The following ADGRL3 variants were observed in gnomAD, a reference collection of about 807,000 sequenced individuals.
The protein encoded by ADGRL3 is calcium-independent alpha-latrotoxin receptor 3.
ADGRL3 carries 62 observed loss-of-function variants against 153.5 expected under a neutral mutation model. The ratio of observed to expected loss-of-function variants is 0.40; its 90% CI spans 0.33 to 0.50. The LOEUF (loss-of-function observed/expected upper bound fraction) is 0.50, where lower values mean the gene tolerates loss of function less well. ADGRL3 is among the 20% of genes least tolerant of loss of function. ADGRL3 has a pLI of 0.47. For synonymous variants in ADGRL3, 710 were observed against 672.5 expected (o/e 1.06, Z -0.86); for missense variants, 1,641 against 1,859.4 (o/e 0.88, Z 2.16).
chr4:62,068,154 G>T lies in ADGRL3; in HGVS notation c.3815-12G>T. 6.5e-7 allele frequency: 1 copy of T among 1,547,690 alleles called. No individual in the cohort carries two copies. The highest frequency in any genetic ancestry group is 8.7e-7 in the Non-Finnish European group (1 of 1,153,448). On this transcript the variant is annotated splice_polypyrimidine_tract_variant and intron_variant, in intron 25 of 26. Coordinates refer to ENST00000683033, the MANE Select transcript of ADGRL3 (RefSeq NM_001387552.1). ...TTGTTTTTTCTTTCCTTTTCTTCAT[G>T]CTGTCGTTTAGAGCCCTACAGAGAG...
intron 1 of ADGRL3, among the ~76,000 whole-genome samples, chr4:61,224,077 T>C (rs1746832515): frequency 2.0e-5 from 3 of 152,110 alleles, no homozygotes; most frequent in Non-Finnish European, 4.4e-5. Flanking sequence ...TCAAAAATAA[T>C]ACTTAAATTT....
Position 62,037,790 on chromosome 4 carries a change from G to A in ADGRL3, c.3651G>A (p.Glu1217=). The A allele has an allele frequency of 3.1e-6, 5 of 1,613,764 alleles. No individual in the cohort carries two copies. The highest frequency in any genetic ancestry group is 2.2e-5 in the East Asian group (1 of 44,822). ...ATTGCTGTAGTGGCAAAAGTACAGA[G>A]AGTTCCATTGGTTCAGGGAAAACAT... The part of the protein sequence containing the change: ...RTHCCSGKST[E]SSIGSGKTSG... The change falls in exon 24 of 27, where the codon GAG becomes GAA. Residue 1217 remains glutamate (E), a synonymous_variant. Transcript: ENST00000683033.
chr4:61,396,941 A>G (rs1480352602), intron 2 of ADGRL3, among the ~76,000 whole-genome samples: 1 of 86,248 alleles, frequency 1.2e-5, no homozygotes, highest in Non-Finnish European at 2.5e-5. Flanking sequence ...TTAGCCTAGT[A>G]AGGAATATAT....
At chr4:61,261,992 C>T (rs893347811) in intron 1 of ADGRL3, among the ~76,000 whole-genome samples, 3 of 103,876 alleles carry the variant, frequency 2.9e-5, no homozygotes, top group Admixed American at 1.9e-4. Flanking sequence ...TTGGGAACGA[C>T]GAGATTGAAA....
chr4:61,380,249 T>C (rs1043527482), intron 1 of ADGRL3, among the ~76,000 whole-genome samples: 1 of 151,936 alleles, frequency 6.6e-6, no homozygotes, highest in Non-Finnish European at 1.5e-5. Context: ...TTTCTTTCAC[T>C]TACTGCTCCA....
intron 21 of ADGRL3, among the ~76,000 whole-genome samples, chr4:62,025,877 A>C (rs1432695613): frequency 1.3e-5 from 2 of 152,176 alleles, no homozygotes; most frequent in East Asian, 3.9e-4. Flanking sequence ...AGTAAAACAT[A>C]ATAAAAATTA....
chr4:62,034,022 G>T (rs910127355), intron 23 of ADGRL3, among the ~76,000 whole-genome samples: 3 of 151,666 alleles, frequency 2.0e-5, no homozygotes, highest in Non-Finnish European at 4.4e-5. Flanking sequence ...ACTGGAATAA[G>T]TAAGAATTGC....
chr4:61,967,577 G>C (rs1730604019), intron 17 of ADGRL3, among the ~76,000 whole-genome samples: 2 of 152,110 alleles, frequency 1.3e-5, no homozygotes, highest in Non-Finnish European at 2.9e-5. Context: ...AGACTTGTAG[G>C]AATTCCCAGC....
intron 24 of ADGRL3, among the ~76,000 whole-genome samples, chr4:62,040,653 G>A (rs902558124): frequency 2.6e-5 from 4 of 152,036 alleles, no homozygotes; most frequent in African/African-American, 9.7e-5. Flanking sequence ...AATCTCTGGG[G>A]ATAAAATGGT....
At chr4:62,032,063 A>G (rs140707525) in intron 23 of ADGRL3, among the ~76,000 whole-genome samples, 4 of 151,464 alleles carry the variant, frequency 2.6e-5, no homozygotes, top group African/African-American at 9.7e-5. Context: ...TTCAAACACT[A>G]GTTTACATTA....
Position 61,368,181 on chromosome 4 carries a change from G to C in ADGRL3, c.-239-14943G>C, listed in dbSNP as rs557648101. ...GGTTGCAAAAATTTTCTCCCATTTT[G>C]TAAGTTGCCTGTTCACTCTGATGGT... is the stretch of plus-strand genomic sequence containing the variant. On this transcript the variant is annotated intron_variant, in intron 1 of 26. Coordinates refer to ENST00000683033, the MANE Select transcript of ADGRL3 (RefSeq NM_001387552.1). Among the ~76,000 whole-genome samples the C allele has an allele frequency of 2.3e-4, 35 of 151,944 alleles. No homozygotes were observed. In the South Asian group the frequency reaches 3.8e-3, roughly 16 times the overall value.
chr4:61,641,245 G>A (rs113185266), intron 5 of ADGRL3, among the ~76,000 whole-genome samples: 1,689 of 149,666 alleles, frequency 0.011, 37 homozygotes, highest in African/African-American at 0.038. Context: ...TGCTTGTTAT[G>A]TAGTAAATAA....
intron 5 of ADGRL3, among the ~76,000 whole-genome samples, chr4:61,627,148 G>A (rs116571958): frequency 0.017 from 2,637 of 151,978 alleles, 76 homozygotes; most frequent in African/African-American, 0.06. Flanking sequence ...ATCATGAAAC[G>A]TTGTATTACT....
intron 3 of ADGRL3, among the ~76,000 whole-genome samples, chr4:61,501,192 A>G (rs1055736845): frequency 1.3e-4 from 20 of 152,344 alleles, no homozygotes; most frequent in African/African-American, 4.8e-4. Flanking sequence ...ACTACAAGCC[A>G]GAAAACTGCT....
chr4:61,981,642 A>G (rs1432878665), intron 18 of ADGRL3, among the ~76,000 whole-genome samples: 5 of 152,130 alleles, frequency 3.3e-5, no homozygotes, highest in African/African-American at 1.2e-4. Context: ...ATGCCCACTT[A>G]TAATTTTTGT....
intron 1 of ADGRL3, among the ~76,000 whole-genome samples, chr4:61,283,926 G>T (rs1431756733): frequency 1.3e-5 from 2 of 151,822 alleles, no homozygotes; most frequent in Non-Finnish European, 2.9e-5. Flanking sequence ...TAGTATTAAG[G>T]TCCACATTCT....
At chr4:62,068,226 T>G (rs1744017135) in intron 26 of ADGRL3, 43 bp downstream of exon 26, 1 of 1,574,376 alleles carries the variant, frequency 6.4e-7, no homozygotes, top group African/African-American at 1.4e-5. Flanking sequence ...ATGTAATTTT[T>G]TTTAGTTCAC....
At chr4:61,416,864 A>G (rs969894907) in intron 2 of ADGRL3, among the ~76,000 whole-genome samples, 2 of 152,170 alleles carry the variant, frequency 1.3e-5, no homozygotes, top group South Asian at 4.1e-4. Flanking sequence ...TATATAATGA[A>G]ATAATTATAC....
At chr4:61,337,138 C>T (rs530222935) in intron 1 of ADGRL3, among the ~76,000 whole-genome samples, 52 of 152,206 alleles carry the variant, frequency 3.4e-4, no homozygotes, top group African/African-American at 1.2e-3. Context: ...CCTCTCTGAT[C>T]CTTGTAAGCT....
Sources: allele counts gnomAD v4.1 joint callset (sites outside exome capture counted in the v4.1 genomes callset), GRCh38; gene constraint gnomAD v4.1.1; transcripts MANE v1.5; gene names NCBI Gene and HGNC (gene_info 2026-07-23, HGNC 2026-07-21).